Variants in N4BP2L2 observed in about 807,000 individuals in gnomAD.
N4BP2L2 encodes NEDD4-binding protein 2-like 2.
N4BP2L2 carries 50 observed loss-of-function variants against 56.2 expected under a neutral mutation model. That is an observed-to-expected ratio of 0.89 (90% CI 0.71 to 1.13). N4BP2L2 has a LOEUF of 1.13. Ranked by LOEUF, N4BP2L2 falls within the 50% of genes most tolerant of loss-of-function variation. N4BP2L2 has a pLI of 0.00. For synonymous variants in N4BP2L2, 203 were observed against 223.6 expected (o/e 0.91, Z 0.82); for missense variants, 689 against 693.8 (o/e 0.99, Z 0.08).
exon 6 of N4BP2L2, chr13:32,514,492 A>G (rs1218633962): frequency 6.6e-6 from 1 of 152,182 alleles, no homozygotes; most frequent in Non-Finnish European, 1.5e-5. Context: ...GGAGATGGTT[A>G]GAATAGGGCA....
At chr13:32,488,218 C>T (rs2139279777) in intron 6 of N4BP2L2, among the ~76,000 whole-genome samples, 1 of 152,254 alleles carries the variant, frequency 6.6e-6, no homozygotes, top group East Asian at 1.9e-4. Context: ...ACACGGAATA[C>T]TAGGCAGCCA....
At chr13:32,517,237 T>C in exon 6 of N4BP2L2, 1 of 986,158 alleles carries the variant, frequency 1.0e-6, no homozygotes, top group Non-Finnish European at 1.2e-6. Flanking sequence ...GTGACTGATA[T>C]ACCTACTATC....
chr13:32,458,744 AT>A (rs1320159410), intron 6 of N4BP2L2, among the ~76,000 whole-genome samples: 3 of 152,176 alleles, frequency 2.0e-5, no homozygotes, highest in Non-Finnish European at 2.9e-5. Context: ...TACACAGAAA[AT>A]TAACAAAAAA....
intron 6 of N4BP2L2, among the ~76,000 whole-genome samples, chr13:32,488,257 G>A (rs1189026060): frequency 6.6e-6 from 1 of 152,174 alleles, no homozygotes; most frequent in Non-Finnish European, 1.5e-5. Flanking sequence ...GTCCTTTGAA[G>A]TAACATGGAT....
At chr13:32,470,566 A>T (rs1490251298) in intron 6 of N4BP2L2, among the ~76,000 whole-genome samples, 2 of 152,162 alleles carry the variant, frequency 1.3e-5, no homozygotes, top group Non-Finnish European at 2.9e-5. Context: ...AGTCCCAACT[A>T]TGGAAGGGAG....
chr13:32,481,099 A>G (rs1244405122), intron 6 of N4BP2L2, among the ~76,000 whole-genome samples: 1 of 139,396 alleles, frequency 7.2e-6, no homozygotes, highest in African/African-American at 2.8e-5. Context: ...AGCCTCAGCA[A>G]CAGAGTGAGA....
At chr13:32,481,684 T>A (rs2084779614) in intron 6 of N4BP2L2, among the ~76,000 whole-genome samples, 1 of 152,250 alleles carries the variant, frequency 6.6e-6, no homozygotes, top group Non-Finnish European at 1.5e-5. Flanking sequence ...TGGTTCTGGC[T>A]TATAAGATTA....
At chr13:32,509,669 A>C (rs745752276), downstream of N4BP2L2, among the ~76,000 whole-genome samples, 13 of 152,202 alleles carry the variant, frequency 8.5e-5, no homozygotes, top group Non-Finnish European at 1.3e-4. Context: ...AAATGTCTTA[A>C]CTGCATCTCT....
chr13:32,513,219 C>T (rs2048508610), exon 6 of N4BP2L2: 1 of 152,154 alleles, frequency 6.6e-6, no homozygotes, highest in African/African-American at 2.4e-5. Context: ...AAGGTTTGCT[C>T]TGAAACTTAC....
At chr13:32,522,403 A>G (rs1566170807) in intron 3 of N4BP2L2, 133 bp from the exon 4 acceptor site, 4 of 494,892 alleles carry the variant, frequency 8.1e-6, no homozygotes, top group South Asian at 4.5e-5. Flanking sequence ...TTCAGTCAGT[A>G]TCATGAAAAA....
At chr13:32,451,003 A>G (rs2138470129) in intron 6 of N4BP2L2, among the ~76,000 whole-genome samples, 1 of 152,072 alleles carries the variant, frequency 6.6e-6, no homozygotes, top group East Asian at 1.9e-4. Flanking sequence ...GGTGTGAGCC[A>G]CCGCACCTGG....
downstream of N4BP2L2, among the ~76,000 whole-genome samples, chr13:32,510,131 T>C (rs1042601393): frequency 6.6e-6 from 1 of 152,096 alleles, no homozygotes; most frequent in Non-Finnish European, 1.5e-5. Flanking sequence ...TCTTCAAATA[T>C]TCGGAAAATT....
intron 7 of N4BP2L2, among the ~76,000 whole-genome samples, chr13:32,439,426 A>T (rs2075931782): frequency 6.6e-6 from 1 of 152,148 alleles, no homozygotes; most frequent in Non-Finnish European, 1.5e-5. Context: ...CGAGGCATAG[A>T]ATCTTTTCAC....
At position 32,442,409 on chromosome 13, in the gene N4BP2L2, C is replaced by A; in HGVS notation, c.2083G>T (p.Gly695Ter). The change falls in exon 7 of 10, where the codon GGA (glycine) becomes TGA (stop). Residue 695 changes from glycine to a stop codon, truncating the protein, a stop_gained. Coordinates refer to the N4BP2L2 transcript ENST00000357505. LOFTEE classifies it high-confidence loss of function. ...TTACCCATTGGAACGCCTGGAGATCCAAAAAGCTTTACTAATTGAAAGGCA... is the reference window on the plus strand; with the variant it reads ...TTACCCATTGGAACGCCTGGAGATCAAAAAAGCTTTACTAATTGAAAGGCA... The A allele has an allele frequency of 6.3e-7, 1 of 1,595,244 alleles. No homozygotes were observed.
At chr13:32,486,772 G>A (rs1241972891) in intron 6 of N4BP2L2, among the ~76,000 whole-genome samples, 1 of 152,080 alleles carries the variant, frequency 6.6e-6, no homozygotes, top group African/African-American at 2.4e-5. Context: ...GGCAGAGGCA[G>A]GCAGATCATG....
At chr13:32,457,176 C>A (rs1449808665) in intron 6 of N4BP2L2, among the ~76,000 whole-genome samples, 4 of 152,022 alleles carry the variant, frequency 2.6e-5, no homozygotes, top group Non-Finnish European at 5.9e-5. Flanking sequence ...CAATAACTAA[C>A]TAAATAAATA....
chr13:32,448,057 G>A (rs2077306570), intron 6 of N4BP2L2, among the ~76,000 whole-genome samples: 1 of 152,204 alleles, frequency 6.6e-6, no homozygotes, highest in Admixed American at 6.5e-5. Flanking sequence ...ACTCCACAGT[G>A]AAGTGCCAGA....
chr13:32,521,388 G>A (rs2050863046), exon 5 of N4BP2L2: 2 of 1,610,384 alleles, frequency 1.2e-6, no homozygotes, highest in Non-Finnish European at 1.7e-6. Context: ...TAATTCTTCA[G>A]GATCAAATTT....
At chr13:32,509,098 AT>A (rs2091389982), downstream of N4BP2L2, 1 of 152,108 alleles carries the variant, frequency 6.6e-6, no homozygotes, top group South Asian at 2.1e-4. Flanking sequence ...TAAATGGGTG[AT>A]CCTTCTTCTC....
Sources: allele counts gnomAD v4.1 joint callset (sites outside exome capture counted in the v4.1 genomes callset), GRCh38; gene constraint gnomAD v4.1.1; transcripts MANE v1.5; gene names NCBI Gene and HGNC (gene_info 2026-07-23, HGNC 2026-07-21).